NAALADL2: variants seen among roughly 807,000 people sequenced by gnomAD.
NAALADL2 encodes the protein inactive N-acetylated-alpha-linked acidic dipeptidase-like protein 2.
A neutral mutation model predicts 87.2 loss-of-function variants in NAALADL2; 76 were observed. The observed-to-expected ratio is 0.87, with a 90% CI of 0.72 to 1.05. The LOEUF (loss-of-function observed/expected upper bound fraction) is 1.05. Among genes scored for constraint, NAALADL2 ranks in the 50% least tolerant of loss-of-function variants. The pLI is 0.00. For missense variants in NAALADL2, 1,089 were observed against 945.8 expected, an observed-to-expected ratio of 1.15 and a Z score of -1.99; for synonymous variants, 354 against 331.0, an observed-to-expected ratio of 1.07 and a Z score of -0.75.
intron 10 of NAALADL2, among the ~76,000 whole-genome samples, chr3:175,614,824 T>A (rs2149682767): frequency 6.6e-6 from 1 of 152,326 alleles, no homozygotes; most frequent in Non-Finnish European, 1.5e-5. Context: ...AAAATCAATT[T>A]TTTTAATTTC....
Position 175,781,724 on chromosome 3 carries a change from A to G in NAALADL2, c.2190-21281A>G, listed in dbSNP as rs887097957. On this transcript the variant is annotated intron_variant, in intron 13 of 13. Coordinates refer to ENST00000454872, the MANE Select transcript of NAALADL2 (RefSeq NM_207015.3). The stretch of plus-strand genomic sequence containing the variant: ...ACGCTTTTATTTTTTTTATTTTTTT[A>G]TTATACTTTAAGTTTTAGGGTACAT... Among the ~76,000 whole-genome samples the G allele has an allele frequency of 2.0e-5, 3 of 147,256 alleles. No individual in the cohort carries two copies. The South Asian group carries it at 6.3e-4, about 31-fold the overall frequency.
At chr3:175,483,267 A>G (rs1726773437) in intron 9 of NAALADL2, among the ~76,000 whole-genome samples, 1 of 151,544 alleles carries the variant, frequency 6.6e-6, no homozygotes, top group Non-Finnish European at 1.5e-5. Context: ...AAGCATGCAC[A>G]TAGTAAGCTA....
intron 11 of NAALADL2, chr3:175,676,641 A>T (rs1369259769): frequency 6.6e-6 from 1 of 151,910 alleles, no homozygotes; most frequent in Non-Finnish European, 1.5e-5. Context: ...TCTTGATTAA[A>T]AAAAAAAAAA....
intron 1 of NAALADL2, among the ~76,000 whole-genome samples, chr3:174,861,292 G>A (rs957146711): frequency 3.3e-5 from 5 of 152,138 alleles, no homozygotes; most frequent in African/African-American, 1.2e-4. Context: ...GGGTTAAAAA[G>A]AACCGATGGT....
intron 4 of NAALADL2, among the ~76,000 whole-genome samples, chr3:175,286,951 C>T (rs1395743265): frequency 1.5e-5 from 2 of 129,378 alleles, no homozygotes; most frequent in East Asian, 2.6e-4. Flanking sequence ...GCAGGGTGGT[C>T]TGTGCCCCTA....
intron 1 of NAALADL2, among the ~76,000 whole-genome samples, chr3:174,474,479 G>C (rs1717096310): frequency 6.6e-6 from 1 of 152,088 alleles, no homozygotes; most frequent in Admixed American, 6.6e-5. Flanking sequence ...TTGTCAGTGT[G>C]ATTTTTGTCA....
chr3:174,463,791 G>A (rs893664487), intron 1 of NAALADL2, among the ~76,000 whole-genome samples: 2 of 151,836 alleles, frequency 1.3e-5, no homozygotes, highest in African/African-American at 2.4e-5. Context: ...TAGTAGAGAC[G>A]CGATTTCACC....
At chr3:174,766,834 T>C (rs1301566308) in intron 3 of NAALADL2, among the ~76,000 whole-genome samples, 1 of 152,190 alleles carries the variant, frequency 6.6e-6, no homozygotes, top group Non-Finnish European at 1.5e-5. Flanking sequence ...GCTTACATTC[T>C]AGTAGGGGTT....
At chr3:174,784,738 C>G (rs922287692) in intron 3 of NAALADL2, among the ~76,000 whole-genome samples, 17 of 152,242 alleles carry the variant, frequency 1.1e-4, no homozygotes, top group African/African-American at 4.1e-4. Context: ...TCTTTATGCC[C>G]AAGCAGAGGT....
chr3:174,519,997 C>T lies in NAALADL2; in HGVS notation c.-183-30572C>T, dbSNP rs1720176654. Among the ~76,000 whole-genome samples the T allele has an allele frequency of 2.6e-5, 4 of 152,202 alleles. 1 individual carries two copies. The South Asian group carries it at 8.3e-4, about 32-fold the overall frequency. ...ACAGAAAGTAAAATGCCTAGGAATA[C>T]ATTTATCCAAGGAAGTGAAAGATCT... is the stretch of plus-strand genomic sequence containing the variant. On this transcript the variant is annotated intron_variant, in intron 1 of 3. Coordinates refer to the NAALADL2 transcript ENST00000434257.
chr3:175,004,539 A>AT (rs34777112), intron 1 of NAALADL2, among the ~76,000 whole-genome samples: 11,983 of 151,778 alleles, frequency 0.079, 526 homozygotes, highest in East Asian at 0.12. Flanking sequence ...ATTTTTTCTT[A>AT]TTTTTTATTG....
rs1029873541 is a variant in NAALADL2, at chr3:175,366,310, A to C, written c.1090+41985A>C. Among the ~76,000 whole-genome samples the C allele has an allele frequency of 6.0e-4, 91 of 151,646 alleles. 1 individual carries two copies. Among genetic ancestry groups the C allele is most frequent in the African/African-American group, 2.2e-3 (90 of 41,156 alleles). ...TCTTTGCTATTGTGAATAGTGCCTC[A>C]ATAAACATACGTGTGCATGTGTCTT... On this transcript the variant is annotated intron_variant, in intron 5 of 13. Transcript: ENST00000454872.
intron 5 of NAALADL2, among the ~76,000 whole-genome samples, chr3:175,387,578 G>T (rs758020223): frequency 3.3e-5 from 5 of 152,000 alleles, no homozygotes; most frequent in African/African-American, 4.8e-5. Context: ...TGATGCTAAG[G>T]TGATTCAAAA....
chr3:174,956,015 T>G (rs1741097913), intron 1 of NAALADL2, among the ~76,000 whole-genome samples: 1 of 152,098 alleles, frequency 6.6e-6, no homozygotes, highest in Non-Finnish European at 1.5e-5. Flanking sequence ...AATCAGTTTC[T>G]TGGAGATTAT....
upstream of NAALADL2, among the ~76,000 whole-genome samples, chr3:174,856,374 A>G (rs146364424): frequency 4.1e-4 from 63 of 152,254 alleles, 2 homozygotes; most frequent in East Asian, 5.8e-3. Flanking sequence ...TTTGTTATCA[A>G]TGATCATCGT....
In NAALADL2 at chr3:175,094,419, C is replaced by T. The variant is rs1303980412; in HGVS notation, c.44-2371C>T. Among the ~76,000 whole-genome samples, 3 of 151,814 alleles carry T rather than the reference C, an allele frequency of 2.0e-5. No individual in the cohort carries two copies. In the East Asian group the frequency reaches 5.8e-4, roughly 29 times the overall value. On this transcript the variant is annotated intron_variant, in intron 1 of 13. Coordinates refer to ENST00000454872, the MANE Select transcript of NAALADL2 (RefSeq NM_207015.3). ...CTACTTTCTTCAGACTTTTTTCTATCCTCTAGTATTTTCTTTTGACAGATT... is the reference window on the plus strand; with the variant it reads ...CTACTTTCTTCAGACTTTTTTCTATTCTCTAGTATTTTCTTTTGACAGATT...
chr3:174,816,217 C>T (rs1489789457), intron 3 of NAALADL2, among the ~76,000 whole-genome samples: 3 of 151,502 alleles, frequency 2.0e-5, no homozygotes, highest in Non-Finnish European at 2.9e-5. Context: ...TATCCTTTTT[C>T]CCCCTTCTCC....
At chr3:174,608,052 G>C (rs1217115776) in intron 2 of NAALADL2, among the ~76,000 whole-genome samples, 2 of 152,116 alleles carry the variant, frequency 1.3e-5, no homozygotes, top group Admixed American at 1.3e-4. Context: ...TGAACAACCT[G>C]CTTCTGAATG....
chr3:175,084,196 G>C (rs11915224), intron 1 of NAALADL2, among the ~76,000 whole-genome samples: 1 of 151,852 alleles, frequency 6.6e-6, no homozygotes, highest in Non-Finnish European at 1.5e-5. Flanking sequence ...TGAGTAAAAA[G>C]CTACCCCCCA....
Sources: gnomAD v4.1 joint callset for allele counts (sites outside exome capture counted in the v4.1 genomes callset) on GRCh38, gnomAD v4.1.1 for gene constraint, MANE v1.5 for transcripts, NCBI Gene and HGNC (gene_info 2026-07-23, HGNC 2026-07-21) for gene names.